Variants in TRDN observed in about 807,000 individuals in gnomAD.
TRDN encodes triadin.
TRDN carries 161 observed loss-of-function variants against 149.7 expected under a neutral mutation model. That is an observed-to-expected ratio of 1.08 (90% CI 0.95 to 1.23). The LOEUF (loss-of-function observed/expected upper bound fraction) is 1.23. TRDN is among the 50% of genes most tolerant of loss of function. The probability of loss-of-function intolerance (pLI) is 0.00; values close to 1 mark genes in which losing one functional copy is unlikely to be tolerated. For missense variants in TRDN, 896 were observed against 823.5 expected (o/e 1.09, Z -1.08); for synonymous variants, 294 against 250.5 (o/e 1.17, Z -1.64).
intron 24 of TRDN, among the ~76,000 whole-genome samples, chr6:123,292,623 C>T (rs548129077): frequency 1.6e-4 from 25 of 152,144 alleles, no homozygotes; most frequent in Non-Finnish European, 3.4e-4. Flanking sequence ...CCCTGAAGAT[C>T]AACTACAACC....
intron 12 of TRDN, among the ~76,000 whole-genome samples, chr6:123,406,883 C>G (rs1773213335): frequency 6.6e-6 from 1 of 152,034 alleles, no homozygotes; most frequent in Admixed American, 6.5e-5. Flanking sequence ...TGTGCTCTCC[C>G]CTTGCTCCAA....
In TRDN at chr6:123,516,204, T is replaced by C. The variant is rs1364220796; in HGVS notation, c.487A>G (p.Thr163Ala). 2.0e-6 allele frequency: 3 copies of C among 1,484,298 alleles called. No individual in the cohort carries two copies. Among genetic ancestry groups the C allele is most frequent in the East Asian group, 5.2e-5 (2 of 38,106 alleles). The allele number at this position is 1,484,298 out of a possible 1,614,324, so 91.9% of individuals were successfully genotyped here. A position where few individuals can be genotyped will look rare whatever the true frequency, so the allele number is the denominator to read the frequency against. Residue 163 changes from threonine to alanine, a missense_variant and splice_region_variant, in exon 6 of 41, where the codon ACA becomes GCA. Transcript: ENST00000334268. ...KPERKIQTKVTHKEKEKGKEK... is the reference protein window; with the variant it reads ...KPERKIQTKVAHKEKEKGKEK... ...TTTCCTTTTTCTTTTTCTTTGTGTG[T>C]AACTGAAAAGAAACAGATAAATAGT...
intron 12 of TRDN, chr6:123,437,365 C>T (rs10223545): frequency 0.095 from 27,206 of 287,874 alleles, 2,296 homozygotes; most frequent in African/African-American, 0.29. Flanking sequence ...TCTTTCTCTA[C>T]TTTATTGAGA....
intron 23 of TRDN, among the ~76,000 whole-genome samples, chr6:123,327,476 T>C (rs181557685): frequency 4.6e-4 from 70 of 152,246 alleles, no homozygotes; most frequent in African/African-American, 1.3e-3. Flanking sequence ...AAAGGAAATA[T>C]TGCTTCACTT....
intron 1 of TRDN, among the ~76,000 whole-genome samples, chr6:123,575,409 T>C (rs1233700710): frequency 2.0e-5 from 3 of 152,062 alleles, no homozygotes; most frequent in Non-Finnish European, 2.9e-5. Flanking sequence ...ACAGAGTATG[T>C]GATCTGAGAT....
chr6:123,543,811 C>G (rs1160100285), intron 4 of TRDN, among the ~76,000 whole-genome samples: 2 of 151,992 alleles, frequency 1.3e-5, no homozygotes, highest in African/African-American at 4.8e-5. Context: ...AAATATTTAT[C>G]AAAAAATTAT....
At chr6:123,442,529 G>A (rs1291423335) in intron 10 of TRDN, among the ~76,000 whole-genome samples, 3 of 129,582 alleles carry the variant, frequency 2.3e-5, no homozygotes, top group Non-Finnish European at 4.7e-5. Flanking sequence ...CTGGGCCACA[G>A]AGCGAGACTC....
chr6:123,220,263 A>G (rs937507172), intron 40 of TRDN, among the ~76,000 whole-genome samples: 3 of 151,896 alleles, frequency 2.0e-5, no homozygotes, highest in African/African-American at 7.2e-5. Context: ...GTTTCCTTCA[A>G]TGGTAACATA....
chr6:123,228,316 A>G (rs533717019), intron 38 of TRDN, among the ~76,000 whole-genome samples: 2 of 151,892 alleles, frequency 1.3e-5, no homozygotes, highest in Non-Finnish European at 2.9e-5. Context: ...TCACTAAGCC[A>G]TTCTGCCTGC....
chr6:123,539,297 C>G (rs1272085662), intron 4 of TRDN, among the ~76,000 whole-genome samples: 1 of 152,098 alleles, frequency 6.6e-6, no homozygotes, highest in Non-Finnish European at 1.5e-5. Context: ...CTAGATGGAG[C>G]CTAGATTCTG....
At chr6:123,561,272 C>A (rs1781978615) in intron 2 of TRDN, among the ~76,000 whole-genome samples, 1 of 152,138 alleles carries the variant, frequency 6.6e-6, no homozygotes, top group Non-Finnish European at 1.5e-5. Flanking sequence ...CATTTATATA[C>A]CTTACAATCC....
chr6:123,411,172 G>A (rs549215205), intron 12 of TRDN, among the ~76,000 whole-genome samples: 8 of 151,244 alleles, frequency 5.3e-5, no homozygotes, highest in Admixed American at 1.3e-4. Context: ...TCAGCCTCAC[G>A]AGTAGCTGGG....
chr6:123,518,238 T>A (rs1194386823), intron 5 of TRDN, among the ~76,000 whole-genome samples: 1 of 152,134 alleles, frequency 6.6e-6, no homozygotes, highest in Non-Finnish European at 1.5e-5. Flanking sequence ...TAATGGTTCT[T>A]TTAGTTGTTT....
intron 10 of TRDN, chr6:123,445,146 G>T (rs1031112384): frequency 1.3e-5 from 2 of 151,344 alleles, no homozygotes; most frequent in Non-Finnish European, 2.9e-5. Flanking sequence ...AATCCATCTG[G>T]TCCTGGACTC....
chr6:123,255,791 A>T, intron 36 of TRDN, 76 bp downstream of exon 36: 1 of 1,037,064 alleles, frequency 9.6e-7, no homozygotes, highest in Non-Finnish European at 1.3e-6. Context: ...TTTTCATATG[A>T]TATAAATACA....
chr6:123,600,857 G>C (rs1784244953), intron 1 of TRDN, among the ~76,000 whole-genome samples: 2 of 151,996 alleles, frequency 1.3e-5, no homozygotes, highest in South Asian at 2.1e-4. Context: ...TTCTGCCTTT[G>C]TTTAGCACAA....
At chr6:123,495,293 C>T (rs1010547937) in intron 9 of TRDN, among the ~76,000 whole-genome samples, 1 of 151,684 alleles carries the variant, frequency 6.6e-6, no homozygotes, top group Admixed American at 6.6e-5. Flanking sequence ...CCGAGTCGGG[C>T]AGATAACCTA....
chr6:123,287,594 T>C (rs546355542), intron 24 of TRDN, among the ~76,000 whole-genome samples: 1 of 152,212 alleles, frequency 6.6e-6, no homozygotes, highest in East Asian at 1.9e-4. Flanking sequence ...TAAGGCTTAA[T>C]TAGAGTCAGA....
rs142143400 is a variant in TRDN, at chr6:123,557,581, G to A, written c.233-8969C>T. On this transcript the variant is annotated intron_variant, in intron 2 of 40. Transcript: ENST00000334268. Reference sequence around the variant, plus strand: ...ATTTTATCCATGAACCCAAAACTCCGGAGCCGGTCACGGACTCGGGAAAAC... The same window carrying A: ...ATTTTATCCATGAACCCAAAACTCCAGAGCCGGTCACGGACTCGGGAAAAC... Among the ~76,000 whole-genome samples the A allele has an allele frequency of 4.1e-4, 62 of 152,110 alleles. 1 individual carries two copies. The highest frequency in any genetic ancestry group is 1.0e-3 in the African/African-American group (43 of 41,488).
Sources: gnomAD v4.1 joint callset for allele counts (sites outside exome capture counted in the v4.1 genomes callset) on GRCh38, gnomAD v4.1.1 for gene constraint, MANE v1.5 for transcripts, NCBI Gene and HGNC (gene_info 2026-07-23, HGNC 2026-07-21) for gene names.